Variants in CACNA1C observed in about 807,000 individuals in gnomAD.
CACNA1C encodes calcium voltage-gated channel subunit alpha1 C.
CACNA1C carries 30 observed loss-of-function variants against 229.0 expected under a neutral mutation model. The observed-to-expected ratio is 0.13, with a 90% confidence interval of 0.10 to 0.18. The LOEUF (loss-of-function observed/expected upper bound fraction) is 0.18, where lower values mean the gene tolerates loss of function less well. Ranked by LOEUF, CACNA1C falls within the 10% of genes least tolerant of loss-of-function variation. The probability of loss-of-function intolerance (pLI) is 1.00; values close to 1 mark genes in which losing one functional copy is unlikely to be tolerated. For synonymous variants in CACNA1C, 1,114 were observed against 1,132.5 expected, an observed-to-expected ratio of 0.98 and a Z score of 0.33; for missense variants, 1,658 against 2,845.0, an observed-to-expected ratio of 0.58 and a Z score of 9.49.
At position 2,034,750 on chromosome 12, in the gene CACNA1C, C is replaced by T. The variant is rs1306024482; in HGVS notation, c.139+63549C>T. 6.6e-6 allele frequency among the ~76,000 whole-genome samples: 1 copy of T among 152,186 alleles called. No individual in the cohort carries two copies. Among genetic ancestry groups the T allele is most frequent in the Non-Finnish European group, 1.5e-5 (1 of 68,046 alleles). ...TCAAAAAACACCTTTCGGAGTGCCT[C>T]CTTCGTGCCAGGCTCTGCAGATATA... On this transcript the variant is annotated intron_variant, in intron 1 of 46. Transcript: ENST00000682462. The surrounding 1 kb of genome is among the most constrained non-coding windows in gnomAD (Gnocchi z 4.1).
chr12:2,135,910 C>T lies in CACNA1C; in HGVS notation c.477+15480C>T, dbSNP rs1482627294. ...GGCGGGCGCCCCTCCCCCAGCCTCG[C>T]TGCCGCCTTGCAGTTTGATCTCAGA... On this transcript the variant is annotated intron_variant, in intron 3 of 46. Coordinates refer to ENST00000399655, the MANE Select transcript of CACNA1C (RefSeq NM_000719.7). 3.5e-3 allele frequency among the ~76,000 whole-genome samples: 522 copies of T among 149,012 alleles called. 12 individuals are homozygous for T. Among genetic ancestry groups the T allele is most frequent in the South Asian group, 8.7e-3 (41 of 4,710 alleles).
At chr12:2,327,829 A>T (rs1422298680) in intron 3 of CACNA1C, among the ~76,000 whole-genome samples, 1 of 152,180 alleles carries the variant, frequency 6.6e-6, no homozygotes, top group Non-Finnish European at 1.5e-5. Context: ...CAGAGGAAAA[A>T]TCGGCATGAC....
At chr12:2,220,141 T>C (rs1302068558) in intron 3 of CACNA1C, among the ~76,000 whole-genome samples, 1 of 152,206 alleles carries the variant, frequency 6.6e-6, no homozygotes, top group African/African-American at 2.4e-5. Flanking sequence ...GTGGGGTCCC[T>C]GGGCAATTGT....
intron 3 of CACNA1C, among the ~76,000 whole-genome samples, chr12:2,239,377 C>T (rs1034537898): frequency 1.3e-5 from 2 of 151,954 alleles, no homozygotes; most frequent in African/African-American, 4.8e-5. Context: ...CAGGCTTCAT[C>T]TCGTAAGGCT....
Position 2,504,546 on chromosome 12 carries a change from T to C in CACNA1C, c.1114-296T>C, listed in dbSNP as rs1244266487. ...TTCTCGGTGTGTTGAGCGGGTAAGC[T>C]GACCGTTTCTATGTCCTCTCCACAA... is the stretch of plus-strand genomic sequence containing the variant. On this transcript the variant is annotated intron_variant, in intron 7 of 46. Coordinates refer to ENST00000399655, the MANE Select transcript of CACNA1C (RefSeq NM_000719.7). The surrounding 1 kb of genome is among the most constrained non-coding windows in gnomAD (Gnocchi z 6.8). 6.5e-7 allele frequency: 1 copy of C among 1,531,224 alleles called. No individual in the cohort carries two copies. 94.9% of individuals were successfully genotyped at this position (1,531,224 alleles called of 1,614,324 possible).
Position 2,633,707 on chromosome 12 carries a change from A to C in CACNA1C, c.3829-590A>C. 6.3e-7 allele frequency: 1 copy of C among 1,584,716 alleles called. No homozygotes were observed. The highest frequency in any genetic ancestry group is 8.7e-7 in the Non-Finnish European group (1 of 1,153,358). On this transcript the variant is annotated intron_variant, in intron 29 of 46. Transcript: ENST00000399655. This position sits in a 1 kb window ranked among gnomAD's most constrained non-coding sequence, Gnocchi z 5.8. ...CATAATTGACGTCATTCTCAGTGAG[A>C]CTAATGTGAGTATTACTCTGCCCTC...
chr12:1,977,769 A>G (rs2034883753), intron 1 of CACNA1C, among the ~76,000 whole-genome samples: 1 of 152,230 alleles, frequency 6.6e-6, no homozygotes, highest in Non-Finnish European at 1.5e-5. Context: ...ATAGTGAGCA[A>G]TATTGTTTCC....
chr12:2,442,124 C>T (rs2099234329), intron 3 of CACNA1C, among the ~76,000 whole-genome samples: 1 of 152,172 alleles, frequency 6.6e-6, no homozygotes, highest in Non-Finnish European at 1.5e-5. Flanking sequence ...TCAGTAAAGA[C>T]TCATCATTAT....
At chr12:2,350,995 T>G (rs982774102) in intron 3 of CACNA1C, among the ~76,000 whole-genome samples, 13 of 152,244 alleles carry the variant, frequency 8.5e-5, no homozygotes, top group Admixed American at 7.2e-4. Flanking sequence ...CTGGAGCAGC[T>G]CCAGCCACTG....
chr12:2,582,975 C>T (rs973629880), intron 15 of CACNA1C, 33 bp downstream of exon 15: 2 of 1,443,866 alleles, frequency 1.4e-6, no homozygotes, highest in Non-Finnish European at 9.5e-7. Context: ...ACCCCTGCGG[C>T]CCCCAGCCCC....
intron 2 of CACNA1C, 32 bp from the exon 3 acceptor site, chr12:2,120,293 G>A: frequency 1.0e-6 from 1 of 974,816 alleles, no homozygotes; most frequent in Non-Finnish European, 1.7e-6. Context: ...TGTACTTTCT[G>A]TGGCATTAAC....
rs867032752 is a variant in CACNA1C at position 2,597,172 on chromosome 12, C to T, written c.2794-58C>T. The T allele has an allele frequency of 3.2e-5, 36 of 1,117,500 alleles. No individual in the cohort carries two copies. Among genetic ancestry groups the T allele is most frequent in the South Asian group, 2.6e-4 (20 of 76,304 alleles). 69.2% of individuals were successfully genotyped at this position (1,117,500 alleles called of 1,614,324 possible). On this transcript the variant is annotated intron_variant, in intron 20 of 46. Transcript: ENST00000399655. This position sits in a 1 kb window ranked among gnomAD's most constrained non-coding sequence, Gnocchi z 4.3. ...GTGAACATCCACTGACCTCTCTTCCCGTCCTGCTTTTCTCCCTTCCCCATC... is the reference window on the plus strand; with the variant it reads ...GTGAACATCCACTGACCTCTCTTCCTGTCCTGCTTTTCTCCCTTCCCCATC...
intron 5 of CACNA1C, among the ~76,000 whole-genome samples, chr12:2,475,430 T>A (rs2099621580): frequency 6.6e-6 from 1 of 152,094 alleles, no homozygotes; most frequent in South Asian, 2.1e-4. Context: ...CCACAGGGAA[T>A]TGAGATATTG....
intron 39 of CACNA1C, among the ~76,000 whole-genome samples, chr12:2,675,541 C>T (rs2096764057): frequency 6.6e-6 from 1 of 152,210 alleles, no homozygotes; most frequent in African/African-American, 2.4e-5. Context: ...GACCCACACA[C>T]CCTAAAGAGC....
At chr12:2,663,430 A>G (rs1157754948) in intron 34 of CACNA1C, among the ~76,000 whole-genome samples, 1 of 152,220 alleles carries the variant, frequency 6.6e-6, no homozygotes, top group Admixed American at 6.5e-5. Context: ...TAAAGAACTA[A>G]AAGTAGACCT....
chr12:2,669,728 T>C (rs144993384), intron 38 of CACNA1C, among the ~76,000 whole-genome samples: 23 of 152,316 alleles, frequency 1.5e-4, no homozygotes, highest in African/African-American at 5.1e-4. Flanking sequence ...TCGCACACAT[T>C]GTGCGGGCTG....
intron 20 of CACNA1C, chr12:2,596,347 C>T (rs1010796314): frequency 1.5e-5 from 3 of 200,636 alleles, no homozygotes; most frequent in Non-Finnish European, 3.0e-5. Flanking sequence ...CATGCTCTGA[C>T]CAGAAGGGGA....
intron 3 of CACNA1C, among the ~76,000 whole-genome samples, chr12:2,162,951 C>T (rs1012919252): frequency 7.2e-5 from 11 of 152,110 alleles, no homozygotes; most frequent in African/African-American, 1.9e-4. Flanking sequence ...GGAAAACCCA[C>T]GGATATGCCT....
intron 3 of CACNA1C, among the ~76,000 whole-genome samples, chr12:2,147,249 A>G (rs2094806390): frequency 1.3e-5 from 2 of 151,534 alleles, no homozygotes; most frequent in South Asian, 4.2e-4. Context: ...TTAAATTTCA[A>G]GAAGTGGGGC....
Sources: allele counts gnomAD v4.1 joint callset (sites outside exome capture counted in the v4.1 genomes callset), GRCh38; gene constraint gnomAD v4.1.1; non-coding constraint Gnocchi (gnomAD v3.1); transcripts MANE v1.5; gene names NCBI Gene and HGNC (gene_info 2026-07-23, HGNC 2026-07-21).